The following LAMA1 variants were observed in gnomAD, a reference collection of about 807,000 sequenced individuals.
LAMA1 encodes laminin subunit alpha 1.
Under a neutral mutation model 348.7 loss-of-function variants are expected in LAMA1, and 219 were observed. That is an observed-to-expected ratio of 0.63 (90% CI 0.56 to 0.70). LAMA1 has a LOEUF of 0.70. Among genes scored for constraint, LAMA1 ranks in the 30% least tolerant of loss-of-function variants. The pLI is 0.00. For synonymous variants in LAMA1, 1,487 were observed against 1,491.0 expected (o/e 1.00, Z 0.06); for missense variants, 3,744 against 3,888.0 (o/e 0.96, Z 0.99).
chr18:7,069,857 C>G (rs779401914), intron 3 of LAMA1, among the ~76,000 whole-genome samples: 8 of 152,004 alleles, frequency 5.3e-5, no homozygotes, highest in South Asian at 2.1e-4. Context: ...AGTCTAGCCC[C>G]CCATGGTCTG....
At position 6,950,871 on chromosome 18, in the gene LAMA1, C is replaced by G. The variant is rs368663897; in HGVS notation, c.8308G>C (p.Gly2770Arg). ...TCAAACATGAAGTGGAGGCGGCCCCCGTGCAGCTGGAGCACAGCGTAGTCT... is the reference window on the plus strand; with the variant it reads ...TCAAACATGAAGTGGAGGCGGCCCCGGTGCAGCTGGAGCACAGCGTAGTCT... ...QADYAVLQLHGGRLHFMFDLG... is the reference protein window; with the variant it reads ...QADYAVLQLHRGRLHFMFDLG... Residue 2770 changes from glycine (G) to arginine (R), a missense_variant, in exon 58 of 63, where the codon GGG becomes CGG. Coordinates refer to ENST00000389658, the MANE Select transcript of LAMA1 (RefSeq NM_005559.4). 16 of 1,614,040 alleles carry G rather than the reference C, an allele frequency of 9.9e-6. No homozygotes were observed. The highest frequency in any genetic ancestry group is 2.7e-5 in the African/African-American group (2 of 74,904).
At chr18:7,114,492 T>C (rs1439517504) in intron 1 of LAMA1, among the ~76,000 whole-genome samples, 1 of 152,216 alleles carries the variant, frequency 6.6e-6, no homozygotes, top group Non-Finnish European at 1.5e-5. Flanking sequence ...CTTTATAAAA[T>C]AGTAACAGTG....
At chr18:6,982,982 G>A (rs2057718655) in intron 40 of LAMA1, 117 bp downstream of exon 40, 5 of 1,338,456 alleles carry the variant, frequency 3.7e-6, no homozygotes, top group Non-Finnish European at 5.3e-6. Context: ...GCCAGAAACA[G>A]ATTCCACCAG....
At chr18:7,042,643 G>A in intron 8 of LAMA1, 1 of 256,164 alleles carries the variant, frequency 3.9e-6, no homozygotes, top group Admixed American at 5.0e-5. Context: ...CCAGCACTCT[G>A]GGAGGCCAAG....
At chr18:7,017,640 C>T (rs542148160) in intron 19 of LAMA1, among the ~76,000 whole-genome samples, 70 of 152,260 alleles carry the variant, frequency 4.6e-4, no homozygotes, top group Middle Eastern at 6.8e-3. Context: ...ATTCGCTTCA[C>T]CAATTTCATG....
chr18:6,946,100 A>T (rs2057519999), intron 61 of LAMA1, among the ~76,000 whole-genome samples: 1 of 152,144 alleles, frequency 6.6e-6, no homozygotes, highest in South Asian at 2.1e-4. Flanking sequence ...AAGCAAGGGC[A>T]GAACAGTCAC....
intron 1 of LAMA1, among the ~76,000 whole-genome samples, chr18:7,112,845 G>T (rs1331250480): frequency 3.9e-5 from 6 of 152,050 alleles, no homozygotes; most frequent in Non-Finnish European, 8.8e-5. Context: ...ATGTTGGTCA[G>T]TCTGGTCTTG....
Position 6,942,032 on chromosome 18 carries a change from T to G in LAMA1, c.*47A>C, listed in dbSNP as rs759805179. ...GATTCTTAATTCACACATACACTTC[T>G]CCTCAAAATATTAGCAATGATTCCA... is the stretch of plus-strand genomic sequence containing the variant. On this transcript the variant is annotated 3_prime_UTR_variant, in exon 63 of 63. Coordinates refer to ENST00000389658, the MANE Select transcript of LAMA1 (RefSeq NM_005559.4). The G allele has an allele frequency of 6.2e-7, 1 of 1,606,882 alleles. No homozygotes were observed. The highest frequency in any genetic ancestry group is 1.1e-5 in the South Asian group (1 of 90,842).
rs7241776 is a variant in LAMA1, at chr18:7,048,977, C to G, written c.768+101G>C. On this transcript the variant is annotated intron_variant, in intron 5 of 62. Transcript: ENST00000389658. ...CTGGCAAGAAAAAAGGCCAACATGTCGGGGAAAGAACAACCAAAAAGGAAA... is the reference window on the plus strand; with the variant it reads ...CTGGCAAGAAAAAAGGCCAACATGTGGGGGAAAGAACAACCAAAAAGGAAA... 8.0e-3 allele frequency: 9,246 copies of G among 1,152,766 alleles called. 540 individuals are homozygous for G. The African/African-American group carries it at 0.12, about 15-fold the overall frequency. The allele number at this position is 1,152,766 out of a possible 1,614,324, so 71.4% of individuals were successfully genotyped here. A position where few individuals can be genotyped will look rare whatever the true frequency, so the allele number is the denominator to read the frequency against.
In LAMA1 at chr18:7,023,190, T is replaced by C. The variant is rs374593442; in HGVS notation, c.2675A>G (p.Asp892Gly). ...CERCADGFYG[D>G]AVTAKNCRAC... is the part of the protein sequence containing the mutation. ...GCGGCAGTTCTTGGCTGTCACAGCG[T>C]CCCCATAGAACCCGTCAGCACACCT... The change falls in exon 19 of 63, where the codon GAC becomes GGC. Residue 892 changes from aspartate to glycine, a missense_variant. Asp to Gly is a moderately conservative substitution (Grantham distance 94). Coordinates refer to ENST00000389658, the MANE Select transcript of LAMA1 (RefSeq NM_005559.4). 1.8e-5 allele frequency: 29 copies of C among 1,612,966 alleles called. No homozygotes were observed. The African/African-American group carries it at 3.6e-4, about 20-fold the overall frequency.
intron 20 of LAMA1, 122 bp downstream of exon 20, chr18:7,017,156 G>A (rs2057892359): frequency 5.0e-6 from 4 of 804,312 alleles, no homozygotes; most frequent in Non-Finnish European, 6.4e-6. Context: ...CCAGTCTTGG[G>A]TAGTATCTCT....
chr18:7,006,506 T>A (rs904109103), intron 29 of LAMA1, among the ~76,000 whole-genome samples: 1 of 152,226 alleles, frequency 6.6e-6, no homozygotes, highest in Non-Finnish European at 1.5e-5. Flanking sequence ...CTATTTTGAC[T>A]ACGGCAACCA....
chr18:7,037,830 C>A, intron 11 of LAMA1, 79 bp from the exon 12 acceptor site: 1 of 1,429,772 alleles, frequency 7.0e-7, no homozygotes, highest in Non-Finnish European at 9.7e-7. Flanking sequence ...GTAATATTTT[C>A]ACAATGAAGA....
chr18:6,987,940 T>C (rs1428842890), intron 36 of LAMA1, among the ~76,000 whole-genome samples: 1 of 152,130 alleles, frequency 6.6e-6, no homozygotes, highest in African/African-American at 2.4e-5. Context: ...AAATAAGATA[T>C]CTCTCTAAGA....
intron 59 of LAMA1, 111 bp from the exon 60 acceptor site, chr18:6,948,667 A>C: frequency 8.0e-7 from 1 of 1,245,464 alleles, no homozygotes; most frequent in Non-Finnish European, 1.1e-6. Flanking sequence ...ATTAAAATGT[A>C]ATCTTTTTGT....
In LAMA1 at chr18:7,050,685, C is replaced by A; in HGVS notation, c.588+9G>T. 6.2e-7 allele frequency: 1 copy of A among 1,613,440 alleles called. No individual in the cohort carries two copies. Among genetic ancestry groups the A allele is most frequent in the South Asian group, 1.1e-5 (1 of 91,040 alleles). Reference sequence around the variant, plus strand: ...AAACAGATCTTGCTGCAGCGGGCACCATACCTACCTCTCCATGCTCAAGTG... The same window carrying A: ...AAACAGATCTTGCTGCAGCGGGCACAATACCTACCTCTCCATGCTCAAGTG... On this transcript the variant is annotated intron_variant, in intron 4 of 62. Transcript: ENST00000389658.
intron 56 of LAMA1, 121 bp downstream of exon 56, chr18:6,956,515 C>T: frequency 3.4e-6 from 3 of 871,806 alleles, no homozygotes; most frequent in Non-Finnish European, 4.9e-6. Flanking sequence ...ACAGCTCCAG[C>T]TCCAGCTCCA....
chr18:7,046,218 A>G, intron 6 of LAMA1, 60 bp downstream of exon 6: 1 of 1,098,510 alleles, frequency 9.1e-7, no homozygotes, highest in Non-Finnish European at 1.4e-6. Context: ...AGTAATGCAA[A>G]TATTATAGCT....
rs937566630 is a variant in LAMA1 at position 6,985,291 on chromosome 18, T to C, written c.5606A>G (p.Tyr1869Cys). 4 of 1,614,084 alleles carry C rather than the reference T, an allele frequency of 2.5e-6. No individual in the cohort carries two copies. The highest frequency in any genetic ancestry group is 2.2e-5 in the East Asian group (1 of 44,892). ...MSQRNAVDLV[Y>C]RAEDHAAEFQ... ...CTCAGCGGCATGGTCCTCAGCTCTGTAGACCAGGTCGACTGCGTTCCTTTG... is the reference window on the plus strand; with the variant it reads ...CTCAGCGGCATGGTCCTCAGCTCTGCAGACCAGGTCGACTGCGTTCCTTTG... The change falls in exon 39 of 63, where the codon TAC (tyrosine) becomes TGC (cysteine). Residue 1869 changes from tyrosine to cysteine, a missense_variant. By Grantham distance (194) the Tyr-to-Cys change is radical. This residue lies in a region of LAMA1 where 1,983 missense variants were observed against 1,934.3 expected (regional missense o/e 1.03). Coordinates refer to ENST00000389658, the MANE Select transcript of LAMA1 (RefSeq NM_005559.4).
Sources: gnomAD v4.1 joint callset for allele counts (sites outside exome capture counted in the v4.1 genomes callset) on GRCh38, gnomAD v4.1.1 for gene constraint, gnomAD v4.1.1 regional missense constraint, MANE v1.5 for transcripts, NCBI Gene and HGNC (gene_info 2026-07-23, HGNC 2026-07-21) for gene names.